The following CASD1 variants were observed in gnomAD, a reference collection of about 807,000 sequenced individuals.
CASD1 encodes the protein N-acetylneuraminate (7)9-O-acetyltransferase.
Under a neutral mutation model 100.0 loss-of-function variants are expected in CASD1, and 41 were observed. That is an observed-to-expected ratio of 0.41 (90% confidence interval 0.32 to 0.53). CASD1 has a LOEUF of 0.53. Ranked by LOEUF, CASD1 falls within the 20% of genes least tolerant of loss-of-function variation. CASD1 has a pLI of 0.25. For missense variants in CASD1, 774 were observed against 948.7 expected (o/e 0.82, Z 2.42); for synonymous variants, 321 against 315.6 (o/e 1.02, Z -0.18).
chr7:94,553,967 A>G (rs969952093), intron 16 of CASD1: 3 of 152,108 alleles, frequency 2.0e-5, no homozygotes, highest in African/African-American at 4.8e-5. Flanking sequence ...TTACATGTGA[A>G]TATAGTTCAA....
intron 17 of CASD1, 133 bp downstream of exon 17, chr7:94,554,708 A>G (rs746441182): frequency 7.0e-5 from 37 of 527,238 alleles, no homozygotes; most frequent in East Asian, 2.4e-4. Context: ...AACTGAAGCT[A>G]TTATGGAATT....
At chr7:94,566,585 G>A in the CASD1 span, among the ~76,000 whole-genome samples, 3 of 151,908 alleles carry the variant, frequency 2.0e-5, no homozygotes, top group Non-Finnish European at 4.4e-5. Flanking sequence ...ATTCCATATA[G>A]TACTTTAATT....
intron 5 of CASD1, among the ~76,000 whole-genome samples, chr7:94,529,852 T>C (rs1794761510): frequency 6.6e-6 from 1 of 152,160 alleles, no homozygotes; most frequent in Non-Finnish European, 1.5e-5. Context: ...GAAAATTTTA[T>C]AGAGGAAATA....
the CASD1 span, chr7:94,588,785 C>G: frequency 6.2e-7 from 1 of 1,610,348 alleles, no homozygotes; most frequent in Admixed American, 1.7e-5. Context: ...CACTTGTAAA[C>G]AGAGAGCAGA....
At chr7:94,572,637 T>C in the CASD1 span, among the ~76,000 whole-genome samples, 1 of 152,160 alleles carries the variant, frequency 6.6e-6, no homozygotes, top group Non-Finnish European at 1.5e-5. Flanking sequence ...AGACCTTTAT[T>C]AGATGCATAG....
the CASD1 span, among the ~76,000 whole-genome samples, chr7:94,575,507 A>G: frequency 6.6e-6 from 1 of 152,226 alleles, no homozygotes; most frequent in Middle Eastern, 3.4e-3. Context: ...TGGTGATGAG[A>G]ATGCATACTC....
At chr7:94,513,378 G>A (rs913769998) in intron 1 of CASD1, among the ~76,000 whole-genome samples, 1 of 147,324 alleles carries the variant, frequency 6.8e-6, no homozygotes, top group Non-Finnish European at 1.5e-5. Context: ...TCTAAAAGTT[G>A]TTTGTGTAAA....
the CASD1 span, among the ~76,000 whole-genome samples, chr7:94,590,222 T>C: frequency 1.3e-5 from 2 of 152,148 alleles, no homozygotes. Flanking sequence ...ATTACTCTTA[T>C]AGTTTAAAAA....
At chr7:94,608,124 A>C in the CASD1 span, among the ~76,000 whole-genome samples, 3 of 152,168 alleles carry the variant, frequency 2.0e-5, no homozygotes, top group Non-Finnish European at 2.9e-5. Flanking sequence ...CAGGTGGGTC[A>C]CCTGAGGTCA....
At chr7:94,586,797 C>T in the CASD1 span, 49 of 982,938 alleles carry the variant, frequency 5.0e-5, no homozygotes, top group Non-Finnish European at 5.3e-5. Context: ...CCACCGCACC[C>T]AGCCTCCATT....
chr7:94,550,916 C>G (rs2116412724), intron 14 of CASD1, among the ~76,000 whole-genome samples: 1 of 152,270 alleles, frequency 6.6e-6, no homozygotes, highest in Non-Finnish European at 1.5e-5. Flanking sequence ...TGAGCGTACA[C>G]TTCTTTTCAG....
At chr7:94,631,022 A>G in the CASD1 span, among the ~76,000 whole-genome samples, 2 of 151,978 alleles carry the variant, frequency 1.3e-5, no homozygotes, top group South Asian at 2.1e-4. Context: ...TTTGACTTGT[A>G]GCTTCACGTA....
the CASD1 span, among the ~76,000 whole-genome samples, chr7:94,616,422 C>A: frequency 6.6e-6 from 1 of 152,168 alleles, no homozygotes; most frequent in Non-Finnish European, 1.5e-5. Flanking sequence ...CTAGTTAATA[C>A]TTCTGAAGTG....
At chr7:94,624,345 G>A in the CASD1 span, 1 of 396,786 alleles carries the variant, frequency 2.5e-6, no homozygotes, top group African/African-American at 2.1e-5. Context: ...CATTACATGT[G>A]TCAAAAAATA....
the CASD1 span, chr7:94,621,044 G>T: frequency 6.6e-6 from 1 of 152,296 alleles, no homozygotes; most frequent in East Asian, 1.9e-4. Flanking sequence ...TTCATGCGGT[G>T]TGAGTCTACA....
chr7:94,586,077 A>AC, the CASD1 span, among the ~76,000 whole-genome samples: 66 of 150,456 alleles, frequency 4.4e-4, no homozygotes, highest in East Asian at 1.9e-3. Context: ...AAAAAAAAAA[A>AC]AAAAAAAAAA....
intron 3 of CASD1, among the ~76,000 whole-genome samples, chr7:94,521,952 G>A (rs1042708973): frequency 6.6e-6 from 1 of 152,164 alleles, no homozygotes; most frequent in African/African-American, 2.4e-5. Context: ...GGGCATGATG[G>A]TGGGCACCTG....
chr7:94,592,998 C>T, the CASD1 span, among the ~76,000 whole-genome samples: 1 of 152,088 alleles, frequency 6.6e-6, no homozygotes, highest in South Asian at 2.1e-4. Flanking sequence ...TACTTCTCAA[C>T]AGGACACCAT....
the CASD1 span, among the ~76,000 whole-genome samples, chr7:94,564,355 G>A: frequency 6.6e-6 from 1 of 152,116 alleles, no homozygotes; most frequent in East Asian, 1.9e-4. Flanking sequence ...GATATGATAG[G>A]GACCACTATC....
Sources: allele counts gnomAD v4.1 joint callset (sites outside exome capture counted in the v4.1 genomes callset), GRCh38; gene constraint gnomAD v4.1.1; transcripts MANE v1.5; gene names NCBI Gene and HGNC (gene_info 2026-07-23, HGNC 2026-07-21).